The following KHDRBS2 variants were observed in gnomAD, a reference collection of about 807,000 sequenced individuals.
KHDRBS2 encodes the protein KH RNA binding domain containing, signal transduction associated 2, also known as KH domain-containing, RNA-binding, signal transduction-associated protein 2.
A neutral mutation model predicts 44.3 loss-of-function variants in KHDRBS2; 26 were observed. The observed-to-expected ratio is 0.59, with a 90% CI of 0.43 to 0.81. The LOEUF is 0.81. KHDRBS2 is among the 40% of genes least tolerant of loss of function. KHDRBS2 has a pLI of 0.00. For synonymous variants in KHDRBS2, 194 were observed against 151.1 expected (o/e 1.28, Z -2.08); for missense variants, 476 against 433.1 (o/e 1.10, Z -0.88).
the KHDRBS2 span, among the ~76,000 whole-genome samples, chr6:61,568,769 G>A: frequency 1.2e-4 from 19 of 152,198 alleles, no homozygotes; most frequent in Admixed American, 9.8e-4. Context: ...CCAGTCTCCA[G>A]CTCAAGCCCA....
chr6:62,063,931 G>C (rs971636168), intron 2 of KHDRBS2, among the ~76,000 whole-genome samples: 1 of 144,164 alleles, frequency 6.9e-6, no homozygotes, highest in Non-Finnish European at 1.5e-5. Context: ...CTTCAGCAAA[G>C]TCTCAGGATA....
At chr6:61,641,764 T>C in the KHDRBS2 span, among the ~76,000 whole-genome samples, 2 of 152,166 alleles carry the variant, frequency 1.3e-5, no homozygotes, top group African/African-American at 4.8e-5. Context: ...TTAGTAGACA[T>C]TGGTTAAAGG....
intron 2 of KHDRBS2, among the ~76,000 whole-genome samples, chr6:62,104,075 T>C (rs1403301428): frequency 6.6e-6 from 1 of 152,188 alleles, no homozygotes; most frequent in Non-Finnish European, 1.5e-5. Flanking sequence ...TATATAGGAT[T>C]TTTATTGCTT....
At chr6:61,907,257 C>CT (rs1156661780) in intron 4 of KHDRBS2, among the ~76,000 whole-genome samples, 1 of 151,810 alleles carries the variant, frequency 6.6e-6, no homozygotes, top group African/African-American at 2.4e-5. Context: ...AGATTATCTG[C>CT]TTTTTTCCTA....
intron 6 of KHDRBS2, among the ~76,000 whole-genome samples, chr6:61,733,393 C>A (rs1774803724): frequency 6.6e-6 from 1 of 152,060 alleles, no homozygotes; most frequent in Non-Finnish European, 1.5e-5. Flanking sequence ...GAGTTCGAGA[C>A]CAGCCTGGCC....
At chr6:61,930,546 GAAAA>G (rs1439236595) in intron 4 of KHDRBS2, among the ~76,000 whole-genome samples, 1 of 47,578 alleles carries the variant, frequency 2.1e-5, no homozygotes, top group Non-Finnish European at 4.3e-5. Context: ...AAAAAAAAAA[GAAAA>G]AAAAAAAAAA....
chr6:61,872,915 C>G (rs2127306049), intron 6 of KHDRBS2, among the ~76,000 whole-genome samples: 1 of 152,172 alleles, frequency 6.6e-6, no homozygotes, highest in African/African-American at 2.4e-5. Flanking sequence ...GATGGTTTTG[C>G]ACATTTATAG....
chr6:62,077,938 A>G (rs1175632465), intron 2 of KHDRBS2, among the ~76,000 whole-genome samples: 1 of 152,182 alleles, frequency 6.6e-6, no homozygotes, highest in South Asian at 2.1e-4. Flanking sequence ...ATCCATTAAG[A>G]AATACAATGT....
chr6:62,277,932 A>G (rs1479899230), intron 1 of KHDRBS2, among the ~76,000 whole-genome samples: 15 of 152,214 alleles, frequency 9.9e-5, no homozygotes, highest in Admixed American at 9.8e-4. Flanking sequence ...TTTGGCAAAT[A>G]AAAGATGCAA....
intron 7 of KHDRBS2, among the ~76,000 whole-genome samples, chr6:61,712,539 T>C (rs1159249951): frequency 6.6e-6 from 1 of 151,800 alleles, no homozygotes; most frequent in Non-Finnish European, 1.5e-5. Context: ...TGGGAAGCAA[T>C]ATGATATTAG....
chr6:62,113,169 G>A (rs1193671487), intron 2 of KHDRBS2, among the ~76,000 whole-genome samples: 1 of 152,014 alleles, frequency 6.6e-6, no homozygotes, highest in East Asian at 1.9e-4. Context: ...CTGAAGCCTA[G>A]AAGAACCCTC....
chr6:61,671,448 C>T, the KHDRBS2 span, among the ~76,000 whole-genome samples: 1 of 151,668 alleles, frequency 6.6e-6, no homozygotes, highest in Non-Finnish European at 1.5e-5. Context: ...ACTATTTCTC[C>T]TGTTTTCTCA....
At chr6:62,017,292 AT>A (rs1318698726) in intron 3 of KHDRBS2, among the ~76,000 whole-genome samples, 1 of 152,142 alleles carries the variant, frequency 6.6e-6, no homozygotes, top group African/African-American at 2.4e-5. Flanking sequence ...ACATGATGGA[AT>A]ATTTAGACTT....
chr6:61,836,566 C>G (rs563748027), intron 6 of KHDRBS2, among the ~76,000 whole-genome samples: 2 of 152,096 alleles, frequency 1.3e-5, no homozygotes, highest in East Asian at 3.9e-4. Context: ...CATGAAAAAT[C>G]CTTTGACTGC....
At chr6:61,910,158 G>C (rs1465962095) in intron 4 of KHDRBS2, among the ~76,000 whole-genome samples, 1 of 152,208 alleles carries the variant, frequency 6.6e-6, no homozygotes. Flanking sequence ...TTGCAACTAA[G>C]TTGGAATGGG....
At chr6:62,019,823 T>C (rs555869883) in intron 3 of KHDRBS2, among the ~76,000 whole-genome samples, 1 of 152,130 alleles carries the variant, frequency 6.6e-6, no homozygotes, top group East Asian at 1.9e-4. Flanking sequence ...TTTTCTCTTT[T>C]TTTTCTTGAT....
chr6:62,140,023 T>C (rs1007640602), intron 2 of KHDRBS2, among the ~76,000 whole-genome samples: 3 of 152,158 alleles, frequency 2.0e-5, no homozygotes, highest in African/African-American at 7.2e-5. Context: ...TGGGTATAAA[T>C]AAAAAATAAC....
chr6:61,680,997 C>A lies in KHDRBS2; in HGVS notation c.1016G>T (p.Gly339Val). ...LKAPPQRSAR[G>V]GYREHPYGRY Reference sequence around the variant, plus strand: ...ACCATAGGGGTGTTCCCTGTATCCCCCTCTGGCTGACCTTTGCGGTGGTGC... The same window carrying A: ...ACCATAGGGGTGTTCCCTGTATCCCACTCTGGCTGACCTTTGCGGTGGTGC... The change falls in exon 9 of 9, where the codon GGG becomes GTG. Residue 339 changes from glycine (G) to valine (V), a missense_variant. Gly to Val is a moderately radical substitution (Grantham distance 109). Coordinates refer to ENST00000281156, the MANE Select transcript of KHDRBS2 (RefSeq NM_152688.4). 6.2e-7 allele frequency: 1 copy of A among 1,611,702 alleles called. No individual in the cohort carries two copies. The highest frequency in any genetic ancestry group is 8.5e-7 in the Non-Finnish European group (1 of 1,178,574).
At chr6:61,968,737 G>T (rs1046063196) in intron 4 of KHDRBS2, among the ~76,000 whole-genome samples, 1 of 151,840 alleles carries the variant, frequency 6.6e-6, no homozygotes, top group African/African-American at 2.4e-5. Flanking sequence ...CAGCATCTGG[G>T]CCTGCATATT....
Sources: gnomAD v4.1 joint callset for allele counts (sites outside exome capture counted in the v4.1 genomes callset) on GRCh38, gnomAD v4.1.1 for gene constraint, MANE v1.5 for transcripts, NCBI Gene and HGNC (gene_info 2026-07-23, HGNC 2026-07-21) for gene names.